The following PDZD9 variants were observed in gnomAD, a reference collection of about 807,000 sequenced individuals.
PDZD9 encodes PDZ domain containing 9, also known as PDZ domain-containing protein 9.
In PDZD9, 13 loss-of-function variants were observed where a neutral mutation model predicts 16.3. That is an observed-to-expected ratio of 0.80 (90% CI 0.52 to 1.27). The LOEUF is 1.27. PDZD9 is among the 50% of genes most tolerant of loss of function. The pLI is 0.00. For missense variants in PDZD9, 288 were observed against 310.9 expected (o/e 0.93, Z 0.55); for synonymous variants, 120 against 111.0 (o/e 1.08, Z -0.51).
downstream of PDZD9, chr16:21,980,841 C>A: frequency 1.0e-6 from 1 of 960,148 alleles, no homozygotes; most frequent in Non-Finnish European, 1.5e-6. Flanking sequence ...GGCAGGAGGG[C>A]TCATTCCCAT....
At chr16:21,987,074 AAGTCTT>A in intron 3 of PDZD9, among the ~76,000 whole-genome samples, 1 of 152,298 alleles carries the variant, frequency 6.6e-6, no homozygotes, top group Middle Eastern at 3.4e-3. Flanking sequence ...AAAGAACAAA[AAGTCTT>A]AAGAGATTTT....
At chr16:21,992,317 T>C (rs1471670830) in intron 2 of PDZD9, among the ~76,000 whole-genome samples, 1 of 152,102 alleles carries the variant, frequency 6.6e-6, no homozygotes, top group Non-Finnish European at 1.5e-5. Context: ...GACAAATATT[T>C]ATTATTTATT....
At chr16:21,998,487 G>C (rs1899206010) in intron 1 of PDZD9, 1 of 152,208 alleles carries the variant, frequency 6.6e-6, no homozygotes, top group African/African-American at 2.4e-5. Flanking sequence ...CACGAGATCA[G>C]GAGTTCGAGA....
At chr16:21,966,227 C>T in the PDZD9 span, among the ~76,000 whole-genome samples, 1 of 152,010 alleles carries the variant, frequency 6.6e-6, no homozygotes, top group Non-Finnish European at 1.5e-5. Context: ...TCTTTGGTCT[C>T]TCTGAATTTG....
downstream of PDZD9, chr16:21,980,298 G>A (rs1394362998): frequency 4.6e-6 from 2 of 433,158 alleles, no homozygotes; most frequent in African/African-American, 4.0e-5. Flanking sequence ...ACCCACAAAT[G>A]GAGGCCAAAG....
At chr16:21,976,561 T>C in the PDZD9 span, 300 of 238,834 alleles carry the variant, frequency 1.3e-3, 4 homozygotes, top group African/African-American at 6.5e-3. Flanking sequence ...ACATTTTTCT[T>C]AGTTTATTGA....
the PDZD9 span, chr16:21,958,533 A>G: frequency 1.9e-6 from 3 of 1,611,884 alleles, no homozygotes; most frequent in African/African-American, 1.3e-5. Context: ...TTCTTTTTCA[A>G]GACGACAAAA....
chr16:21,957,774 A>G, the PDZD9 span, among the ~76,000 whole-genome samples: 10,675 of 152,258 alleles, frequency 0.07, 1,208 homozygotes, highest in African/African-American at 0.24. Flanking sequence ...AGCCAAGCCA[A>G]GATATCAGCA....
chr16:21,958,614 T>A, the PDZD9 span: 3 of 1,602,554 alleles, frequency 1.9e-6, no homozygotes, highest in Non-Finnish European at 2.6e-6. Context: ...GTTAAATAAG[T>A]AATAGAAAAT....
At chr16:21,973,755 C>T in the PDZD9 span, 7 of 692,172 alleles carry the variant, frequency 1.0e-5, no homozygotes, top group East Asian at 5.6e-5. Context: ...TACTTCAGTT[C>T]GTGACAGAAC....
the PDZD9 span, among the ~76,000 whole-genome samples, chr16:21,975,113 T>G: frequency 6.6e-6 from 1 of 152,062 alleles, no homozygotes; most frequent in Non-Finnish European, 1.5e-5. Flanking sequence ...ATGGAGGAGG[T>G]AGGTATTAGG....
the PDZD9 span, chr16:21,976,100 AGT>A: frequency 9.2e-7 from 1 of 1,082,664 alleles, no homozygotes; most frequent in African/African-American, 1.6e-5. Context: ...TCAGTAAAGA[AGT>A]GTGTCAGTGC....
In PDZD9 at chr16:21,988,775, A is replaced by G. The variant is rs149154019; in HGVS notation, c.228T>C (p.Ser76=). ...ATCCTAACACATTGGCATGGCCAACACTAATCAGAACATCACCTGAAGAGG... is the reference window on the plus strand; with the variant it reads ...ATCCTAACACATTGGCATGGCCAACGCTAATCAGAACATCACCTGAAGAGG... ...GKLQPGDVLI[S]VGHANVLGYT... Residue 76 remains serine (S), a synonymous_variant, in exon 3 of 4, where the codon AGT becomes AGC. Coordinates refer to ENST00000424898, the MANE Select transcript of PDZD9 (RefSeq NM_001363519.1). The G allele has an allele frequency of 7.6e-4, 1,220 of 1,609,220 alleles. 2 individuals carry two copies. The highest frequency in any genetic ancestry group is 1.5e-3 in the South Asian group (136 of 90,294).
the PDZD9 span, chr16:21,976,928 A>G: frequency 6.6e-6 from 1 of 152,234 alleles, no homozygotes; most frequent in Non-Finnish European, 1.5e-5. Flanking sequence ...TTCTGCAGTT[A>G]TAAAGATATC....
intron 2 of PDZD9, among the ~76,000 whole-genome samples, chr16:21,993,881 G>A (rs1286836608): frequency 6.6e-6 from 1 of 152,120 alleles, no homozygotes; most frequent in Non-Finnish European, 1.5e-5. Flanking sequence ...TATTTCATCA[G>A]GTTGGGCTCA....
intron 2 of PDZD9, among the ~76,000 whole-genome samples, chr16:21,995,647 G>GA (rs1899129956): frequency 6.6e-6 from 1 of 152,114 alleles, no homozygotes. Context: ...ACCCAGGCTG[G>GA]AGTACAGTGC....
the PDZD9 span, chr16:21,962,188 A>T: frequency 2.4e-6 from 1 of 416,282 alleles, no homozygotes. Flanking sequence ...TCCCTTTGTG[A>T]CTGGCTTATT....
intron 2 of PDZD9, among the ~76,000 whole-genome samples, chr16:21,990,516 G>T (rs2056420226): frequency 6.6e-6 from 1 of 152,136 alleles, no homozygotes; most frequent in Non-Finnish European, 1.5e-5. Flanking sequence ...TTCTACTTTG[G>T]TCTTAAGCAG....
the PDZD9 span, among the ~76,000 whole-genome samples, chr16:21,975,180 C>G: frequency 6.6e-6 from 1 of 152,028 alleles, no homozygotes; most frequent in Non-Finnish European, 1.5e-5. Context: ...GAGGAGATAG[C>G]AAGGGAGTTG....
Sources: gnomAD v4.1 joint callset for allele counts (sites outside exome capture counted in the v4.1 genomes callset) on GRCh38, gnomAD v4.1.1 for gene constraint, MANE v1.5 for transcripts, NCBI Gene and HGNC (gene_info 2026-07-23, HGNC 2026-07-21) for gene names.